The following FBXO33 variants were observed in gnomAD, a reference collection of about 807,000 sequenced individuals.
The protein encoded by FBXO33 is F-box protein 33.
FBXO33 carries 22 observed loss-of-function variants against 46.3 expected under a neutral mutation model. The ratio of observed to expected loss-of-function variants is 0.48; its 90% CI spans 0.34 to 0.68. FBXO33 has a LOEUF of 0.68. Ranked by LOEUF, FBXO33 falls within the 30% of genes least tolerant of loss-of-function variation. The pLI is 0.01. For synonymous variants in FBXO33, 337 were observed against 291.3 expected (o/e 1.16, Z -1.60); for missense variants, 692 against 708.8 (o/e 0.98, Z 0.27).
chr14:39,408,416 G>C (rs1428875461), intron 1 of FBXO33, among the ~76,000 whole-genome samples: 1 of 151,904 alleles, frequency 6.6e-6, no homozygotes, highest in East Asian at 1.9e-4. Context: ...TTTAAAATTA[G>C]GTTAAATTTG....
chr14:39,427,367 A>G (rs1440395956), intron 1 of FBXO33, among the ~76,000 whole-genome samples: 1 of 152,150 alleles, frequency 6.6e-6, no homozygotes, highest in Non-Finnish European at 1.5e-5. Flanking sequence ...CCTGCTGGGA[A>G]TGCAGTGTCA....
At chr14:39,412,758 TCACA>T (rs2075429666) in intron 1 of FBXO33, among the ~76,000 whole-genome samples, 1 of 152,244 alleles carries the variant, frequency 6.6e-6, no homozygotes, top group Non-Finnish European at 1.5e-5. Flanking sequence ...ATAAAGAAAG[TCACA>T]CAATTTTTTG....
At chr14:39,402,625 C>G (rs1277057400) in intron 1 of FBXO33, 114 bp from the exon 2 acceptor site, 1 of 372,528 alleles carries the variant, frequency 2.7e-6, no homozygotes, top group Non-Finnish European at 4.4e-6. Flanking sequence ...TATTTTATAA[C>G]TCAATTAGAA....
At position 39,401,263 on chromosome 14, in the gene FBXO33, A is replaced by G; in HGVS notation, c.1309T>C (p.Phe437Leu). Reference protein sequence around the residue: ...LMNDVIDTSGFPDLSDNRNED... With the variant: ...LMNDVIDTSGLPDLSDNRNED... ...TTTCGGTTGTCACTAAGATCTGGAAAACCAGATGTGTCAATCACATCATTC... is the reference window on the plus strand; with the variant it reads ...TTTCGGTTGTCACTAAGATCTGGAAGACCAGATGTGTCAATCACATCATTC... Residue 437 changes from phenylalanine to leucine, a missense_variant, in exon 3 of 4, where the codon TTT becomes CTT. Phe to Leu is a conservative substitution (Grantham distance 22, BLOSUM62 0). This residue lies in a region of FBXO33 where 186 missense variants were observed against 246.1 expected (regional missense o/e 0.76). Transcript: ENST00000298097. The G allele has an allele frequency of 5.6e-6, 9 of 1,614,082 alleles. No homozygotes were observed. Among genetic ancestry groups the G allele is most frequent in the Non-Finnish European group, 7.6e-6 (9 of 1,180,016 alleles).
chr14:39,407,580 G>A (rs963738010), intron 1 of FBXO33, among the ~76,000 whole-genome samples: 7 of 152,324 alleles, frequency 4.6e-5, no homozygotes, highest in Middle Eastern at 3.4e-3. Context: ...CTTATTTCAT[G>A]TAGCATAATG....
Position 39,401,852 on chromosome 14 carries a change from T to C in FBXO33, c.720A>G (p.Gln240=), listed in dbSNP as rs1436567235. 10 of 1,609,692 alleles carry C rather than the reference T, an allele frequency of 6.2e-6. No homozygotes were observed. In the South Asian group the frequency reaches 1.0e-4, roughly 16 times the overall value. Residue 240 remains glutamine, a synonymous_variant, in exon 3 of 4, where the codon CAA becomes CAG. Transcript: ENST00000298097. ...TATTACTCAGGATTTCTTCAAACAGTTGCTGAATTCTATAAGGAAAACACA... is the reference window on the plus strand; with the variant it reads ...TATTACTCAGGATTTCTTCAAACAGCTGCTGAATTCTATAAGGAAAACACA... The part of the protein sequence containing the change: ...PDGKKIKQIQ[Q]LFEEILSNSR...
In FBXO33 at chr14:39,431,877, A is replaced by G. The variant is rs1595991036; in HGVS notation, c.286T>C (p.Ser96Pro). 1 of 1,574,398 alleles carries G rather than the reference A, an allele frequency of 6.4e-7. No homozygotes were observed. The change falls in exon 1 of 4, where the codon TCG becomes CCG. Residue 96 changes from serine to proline, a missense_variant. Ser to Pro is a moderately conservative substitution (Grantham distance 74). This residue lies in a region of FBXO33 where 412 missense variants were observed against 370.8 expected (regional missense o/e 1.11). Transcript: ENST00000298097. ...TAGAAGAGGCACTCACGCCAGTGCG[A>G]GCAGGAGGCCGAGGCCCGCAGCCGG... is the stretch of plus-strand genomic sequence containing the variant. Reference protein sequence around the residue: ...PDRLRASASCSHWRECLFYPA... With the variant: ...PDRLRASASCPHWRECLFYPA...
intron 1 of FBXO33, among the ~76,000 whole-genome samples, chr14:39,405,526 AACAATGAGC>A: frequency 1.3e-5 from 2 of 152,202 alleles, no homozygotes; most frequent in African/African-American, 4.8e-5. Flanking sequence ...TGGTGAAGTA[AACAATGAGC>A]ACTATTTTGC....
Position 39,401,265 on chromosome 14 carries a change from C to A in FBXO33, c.1307G>T (p.Gly436Val), listed in dbSNP as rs2075367267. The A allele has an allele frequency of 6.2e-7, 1 of 1,613,854 alleles. No homozygotes were observed. Residue 436 changes from glycine (G) to valine (V), a missense_variant, in exon 3 of 4, where the codon GGT becomes GTT. Around this residue, in one of 3 missense-constraint regions of FBXO33, gnomAD observed 186 missense variants for 246.1 expected, o/e 0.76. Transcript: ENST00000298097. ...ILMNDVIDTS[G>V]FPDLSDNRNE... is the part of the protein sequence containing the mutation. ...TCGGTTGTCACTAAGATCTGGAAAA[C>A]CAGATGTGTCAATCACATCATTCAT...
At chr14:39,407,846 A>G (rs530611525) in intron 1 of FBXO33, among the ~76,000 whole-genome samples, 1 of 152,182 alleles carries the variant, frequency 6.6e-6, no homozygotes, top group Non-Finnish European at 1.5e-5. Flanking sequence ...CGGCAGTGCT[A>G]TTTTTGATGA....
At chr14:39,424,234 T>G (rs770392091) in intron 1 of FBXO33, among the ~76,000 whole-genome samples, 1 of 152,198 alleles carries the variant, frequency 6.6e-6, no homozygotes, top group African/African-American at 2.4e-5. Context: ...ACTTCAGTAG[T>G]TGAGACCCTC....
At chr14:39,425,594 C>G (rs1023279961) in intron 1 of FBXO33, among the ~76,000 whole-genome samples, 2 of 152,186 alleles carry the variant, frequency 1.3e-5, no homozygotes, top group Non-Finnish European at 2.9e-5. Context: ...TCTTAGTCCA[C>G]TTTCAGTATC....
chr14:39,422,694 A>G (rs145854447), intron 1 of FBXO33, among the ~76,000 whole-genome samples: 2 of 152,364 alleles, frequency 1.3e-5, no homozygotes, highest in African/African-American at 4.8e-5. Flanking sequence ...AAATGGTGAC[A>G]TAAGACAATA....
At chr14:39,422,397 C>T (rs2075489554) in intron 1 of FBXO33, among the ~76,000 whole-genome samples, 1 of 152,246 alleles carries the variant, frequency 6.6e-6, no homozygotes, top group Non-Finnish European at 1.5e-5. Flanking sequence ...ATTGCTTCCA[C>T]CCTTGCCCTA....
intron 1 of FBXO33, among the ~76,000 whole-genome samples, chr14:39,417,140 G>A (rs1232344381): frequency 6.6e-6 from 1 of 152,202 alleles, no homozygotes; most frequent in Non-Finnish European, 1.5e-5. Context: ...CTCCTAAAGG[G>A]AAAGGTTCCA....
intron 1 of FBXO33, among the ~76,000 whole-genome samples, chr14:39,414,827 A>G (rs557622606): frequency 1.4e-4 from 22 of 152,068 alleles, no homozygotes; most frequent in Non-Finnish European, 3.1e-4. Flanking sequence ...ATGCCCAGCT[A>G]ATTTTAAAAT....
chr14:39,401,922 T>C (rs112083104), intron 2 of FBXO33, 61 bp from the exon 3 acceptor site: 4 of 1,367,846 alleles, frequency 2.9e-6, no homozygotes, highest in African/African-American at 1.5e-5. Flanking sequence ...CTTTTAACAC[T>C]GACTTTTGAA....
chr14:39,413,852 A>G (rs1018473076), intron 1 of FBXO33, among the ~76,000 whole-genome samples: 2 of 152,238 alleles, frequency 1.3e-5, no homozygotes, highest in Admixed American at 1.3e-4. Flanking sequence ...CATGCTGTAT[A>G]CAGATGTGCT....
chr14:39,429,105 C>T (rs1301524024), intron 1 of FBXO33, among the ~76,000 whole-genome samples: 1 of 152,154 alleles, frequency 6.6e-6, no homozygotes, highest in Admixed American at 6.5e-5. Flanking sequence ...AAACAAAATG[C>T]CAATTGTCCT....
Sources: allele counts gnomAD v4.1 joint callset (sites outside exome capture counted in the v4.1 genomes callset), GRCh38; gene constraint gnomAD v4.1.1; regional missense constraint gnomAD v4.1.1; transcripts MANE v1.5; gene names NCBI Gene and HGNC (gene_info 2026-07-23, HGNC 2026-07-21).